Variants in PCDHA12 observed in about 807,000 individuals in gnomAD.
The protein encoded by PCDHA12 is protocadherin alpha 12, also known as protocadherin alpha-12.
Under a neutral mutation model 60.0 loss-of-function variants are expected in PCDHA12, and 44 were observed. The observed-to-expected ratio is 0.73, with a 90% CI of 0.58 to 0.94. The LOEUF is 0.94. Ranked by LOEUF, PCDHA12 falls within the 40% of genes least tolerant of loss-of-function variation. The pLI, the probability that PCDHA12 is intolerant of heterozygous loss-of-function variation, is 0.00. For synonymous variants in PCDHA12, 569 were observed against 553.0 expected (o/e 1.03, Z -0.40); for missense variants, 1,276 against 1,239.7 (o/e 1.03, Z -0.44).
At chr5:141,009,476 C>T in intron 3 of PCDHA12, 151 bp from the exon 4 acceptor site, 4 of 1,420,154 alleles carry the variant, frequency 2.8e-6, no homozygotes, top group Non-Finnish European at 2.8e-6. Flanking sequence ...AATAAGTAAA[C>T]ACTTGCCTTG....
intron 1 of PCDHA12, among the ~76,000 whole-genome samples, chr5:140,947,946 C>T (rs1396530064): frequency 2.0e-5 from 3 of 151,452 alleles, no homozygotes; most frequent in African/African-American, 7.3e-5. Flanking sequence ...AAAAGTGTTC[C>T]ATATTTTACA....
chr5:140,906,889 G>T (rs1397235059), intron 1 of PCDHA12, among the ~76,000 whole-genome samples: 1 of 152,172 alleles, frequency 6.6e-6, no homozygotes, highest in Non-Finnish European at 1.5e-5. Flanking sequence ...TTCCTTCTTA[G>T]ATTGTTGGTT....
At chr5:140,915,533 G>C (rs1200323853) in intron 1 of PCDHA12, among the ~76,000 whole-genome samples, 1 of 152,018 alleles carries the variant, frequency 6.6e-6, no homozygotes, top group Non-Finnish European at 1.5e-5. Flanking sequence ...GTACCATCTT[G>C]GAGGTCTTGA....
intron 1 of PCDHA12, among the ~76,000 whole-genome samples, chr5:140,908,375 G>C (rs922545563): frequency 6.6e-6 from 1 of 152,174 alleles, no homozygotes; most frequent in Non-Finnish European, 1.5e-5. Context: ...TTCAGGACCT[G>C]CTCGAGCCCG....
intron 1 of PCDHA12, among the ~76,000 whole-genome samples, chr5:140,918,655 T>C (rs1248144760): frequency 6.6e-6 from 1 of 152,218 alleles, no homozygotes; most frequent in Non-Finnish European, 1.5e-5. Context: ...CTAATTCTCA[T>C]GTTGATGGTA....
chr5:140,995,379 G>T (rs1300023701), intron 3 of PCDHA12, among the ~76,000 whole-genome samples: 2 of 152,172 alleles, frequency 1.3e-5, no homozygotes, highest in East Asian at 1.9e-4. Context: ...CACGTACTGG[G>T]CAGGATAAAG....
At chr5:140,995,087 C>T (rs1482673933) in intron 3 of PCDHA12, among the ~76,000 whole-genome samples, 1 of 152,222 alleles carries the variant, frequency 6.6e-6, no homozygotes, top group Non-Finnish European at 1.5e-5. Flanking sequence ...CCAAACTTAT[C>T]TGTGGAGATA....
At chr5:140,960,715 CTTATTTTAGTCCA>C (rs60915889) in intron 1 of PCDHA12, among the ~76,000 whole-genome samples, 85,456 of 151,802 alleles carry the variant, frequency 0.56, 24,653 homozygotes, top group African/African-American at 0.69. Flanking sequence ...AAATACTCAT[CTTATTTTAGTCCA>C]TGATTTTAGT....
At chr5:140,961,342 A>AC (rs2095605510) in intron 1 of PCDHA12, among the ~76,000 whole-genome samples, 1 of 152,164 alleles carries the variant, frequency 6.6e-6, no homozygotes, top group South Asian at 2.1e-4. Flanking sequence ...CCAAGAGTGG[A>AC]TCCCTGTAGT....
intron 1 of PCDHA12, chr5:140,966,979 C>T (rs1554229021): frequency 2.5e-6 from 4 of 1,603,612 alleles, no homozygotes; most frequent in Admixed American, 1.7e-5. Context: ...AGCTGCGGCG[C>T]TTGGGGCCGG....
At chr5:140,933,220 T>G (rs1179526168) in intron 1 of PCDHA12, among the ~76,000 whole-genome samples, 3 of 151,968 alleles carry the variant, frequency 2.0e-5, no homozygotes, top group African/African-American at 7.2e-5. Flanking sequence ...TCTGTTATAT[T>G]GCATTTATGA....
chr5:140,893,150 A>G (rs1398784015), intron 1 of PCDHA12, among the ~76,000 whole-genome samples: 1 of 152,066 alleles, frequency 6.6e-6, no homozygotes, highest in Non-Finnish European at 1.5e-5. Context: ...TCATCTGTTG[A>G]TGGATATTGA....
At chr5:140,923,584 T>C (rs2081432624) in intron 1 of PCDHA12, among the ~76,000 whole-genome samples, 1 of 152,172 alleles carries the variant, frequency 6.6e-6, no homozygotes, top group South Asian at 2.1e-4. Context: ...AGAGAAGGTT[T>C]GTTAATTCAT....
At chr5:140,970,585 T>G (rs1554232585) in intron 1 of PCDHA12, among the ~76,000 whole-genome samples, 2 of 152,244 alleles carry the variant, frequency 1.3e-5, no homozygotes, top group Non-Finnish European at 2.9e-5. Context: ...ATAACAGAGA[T>G]ATGCTTTGTG....
chr5:140,912,113 A>C (rs1477558453), intron 1 of PCDHA12, among the ~76,000 whole-genome samples: 3 of 152,182 alleles, frequency 2.0e-5, no homozygotes, highest in African/African-American at 7.2e-5. Flanking sequence ...GTAGGCTGGG[A>C]GGCTAAGTCA....
intron 1 of PCDHA12, among the ~76,000 whole-genome samples, chr5:140,974,807 A>T (rs2096641510): frequency 6.6e-6 from 1 of 152,202 alleles, no homozygotes; most frequent in Admixed American, 6.5e-5. Context: ...ATATACTAGA[A>T]GACCAATATG....
chr5:140,927,826 G>A (rs782694866), intron 1 of PCDHA12: 1 of 1,614,194 alleles, frequency 6.2e-7, no homozygotes, highest in Middle Eastern at 1.6e-4. Context: ...ATACATTGAG[G>A]CGAGGGACGA....
intron 1 of PCDHA12, among the ~76,000 whole-genome samples, chr5:140,910,488 A>G (rs1195141583): frequency 2.0e-5 from 3 of 152,232 alleles, no homozygotes; most frequent in African/African-American, 7.2e-5. Flanking sequence ...CATACAGAGA[A>G]GAGCAATCAC....
chr5:140,965,664 A>G (rs931573016), intron 1 of PCDHA12, among the ~76,000 whole-genome samples: 2 of 152,254 alleles, frequency 1.3e-5, no homozygotes, highest in Non-Finnish European at 2.9e-5. Flanking sequence ...GTCTTGGGTG[A>G]TAAATGTAAA....
Sources: gnomAD v4.1 joint callset for allele counts (sites outside exome capture counted in the v4.1 genomes callset) on GRCh38, gnomAD v4.1.1 for gene constraint, MANE v1.5 for transcripts, NCBI Gene and HGNC (gene_info 2026-07-23, HGNC 2026-07-21) for gene names.